Variants in CSMD1 observed in about 807,000 individuals in gnomAD.
CSMD1 encodes CUB and Sushi multiple domains 1.
In CSMD1, 213 loss-of-function variants were observed where a neutral mutation model predicts 417.5. The observed-to-expected ratio is 0.51, with a 90% CI of 0.46 to 0.57. The LOEUF (loss-of-function observed/expected upper bound fraction) is 0.57, where lower values mean the gene tolerates loss of function less well. CSMD1 is among the 20% of genes least tolerant of loss of function. CSMD1 has a pLI of 0.00. For synonymous variants in CSMD1, 2,862 were observed against 1,736.8 expected, an observed-to-expected ratio of 1.65 and a Z score of -16.11; for missense variants, 6,923 against 4,529.7, an observed-to-expected ratio of 1.53 and a Z score of -15.17.
At chr8:4,204,314 C>T (rs996272077) in intron 3 of CSMD1, among the ~76,000 whole-genome samples, 1 of 151,314 alleles carries the variant, frequency 6.6e-6, no homozygotes. Context: ...TTCTCAGAAT[C>T]AGAATAGTTT....
chr8:4,674,099 A>G (rs914618310), intron 1 of CSMD1, among the ~76,000 whole-genome samples: 8 of 152,226 alleles, frequency 5.3e-5, no homozygotes, highest in African/African-American at 1.9e-4. Context: ...TTCTCTTTAT[A>G]TAAACCAGAT....
chr8:4,733,002 T>C (rs1810002589), intron 1 of CSMD1, among the ~76,000 whole-genome samples: 1 of 148,214 alleles, frequency 6.7e-6, no homozygotes, highest in East Asian at 2.0e-4. Flanking sequence ...TACGCTCCTC[T>C]TTCATTTGCA....
chr8:3,565,159 A>AAAAG (rs1554471702), intron 10 of CSMD1, among the ~76,000 whole-genome samples: 1 of 138,026 alleles, frequency 7.2e-6, no homozygotes, highest in Non-Finnish European at 1.5e-5. Flanking sequence ...AAAAAAAAAA[A>AAAAG]AGAGAGAGAT....
At chr8:4,261,311 A>G (rs141392956) in intron 3 of CSMD1, among the ~76,000 whole-genome samples, 2 of 152,166 alleles carry the variant, frequency 1.3e-5, no homozygotes, top group African/African-American at 4.8e-5. Flanking sequence ...CCAGGCATAG[A>G]AAGAAAAATA....
intron 1 of CSMD1, among the ~76,000 whole-genome samples, chr8:4,898,319 G>C (rs902987213): frequency 2.6e-5 from 4 of 152,072 alleles, no homozygotes; most frequent in African/African-American, 9.7e-5. Flanking sequence ...TGTCATCTTT[G>C]ACAGGGTCCA....
intron 1 of CSMD1, among the ~76,000 whole-genome samples, chr8:4,770,706 T>C (rs762908154): frequency 1.4e-5 from 2 of 140,422 alleles, no homozygotes; most frequent in Non-Finnish European, 3.1e-5. Context: ...AAGGATACAA[T>C]GGGGAAAGAA....
chr8:4,606,143 A>C (rs1339816464), intron 2 of CSMD1, among the ~76,000 whole-genome samples: 1 of 152,146 alleles, frequency 6.6e-6, no homozygotes, highest in Non-Finnish European at 1.5e-5. Flanking sequence ...TCACACTAAT[A>C]CTGAGCTTCT....
intron 66 of CSMD1, among the ~76,000 whole-genome samples, chr8:2,950,866 T>C (rs1243717659): frequency 6.6e-6 from 1 of 152,194 alleles, no homozygotes; most frequent in African/African-American, 2.4e-5. Context: ...GAATCTCAGA[T>C]TCTTGACTTA....
At chr8:4,113,571 A>G (rs1052015390) in intron 3 of CSMD1, among the ~76,000 whole-genome samples, 1 of 151,794 alleles carries the variant, frequency 6.6e-6, no homozygotes, top group African/African-American at 2.4e-5. Context: ...CACCTGGCTA[A>G]TTTTCTGTTA....
intron 4 of CSMD1, among the ~76,000 whole-genome samples, chr8:4,013,191 C>A (rs1796361281): frequency 6.6e-6 from 1 of 152,076 alleles, no homozygotes; most frequent in South Asian, 2.1e-4. Flanking sequence ...ATCTACAGGG[C>A]CCACTCCTAT....
intron 5 of CSMD1, among the ~76,000 whole-genome samples, chr8:3,875,941 G>T (rs77503237): frequency 6.6e-6 from 1 of 152,234 alleles, no homozygotes; most frequent in Non-Finnish European, 1.5e-5. Flanking sequence ...TGGGAAGCTC[G>T]GAGGCAAATT....
chr8:4,300,248 A>C (rs570278975), intron 3 of CSMD1, among the ~76,000 whole-genome samples: 2 of 152,382 alleles, frequency 1.3e-5, no homozygotes, highest in African/African-American at 4.8e-5. Flanking sequence ...GTTTGTAAAC[A>C]CAGAGCTTTC....
At chr8:3,737,723 G>A (rs545556862) in intron 6 of CSMD1, among the ~76,000 whole-genome samples, 1 of 152,276 alleles carries the variant, frequency 6.6e-6, no homozygotes, top group Admixed American at 6.5e-5. Context: ...AATTGAGGCA[G>A]TGATATTTAA....
intron 33 of CSMD1, among the ~76,000 whole-genome samples, chr8:3,197,967 G>A (rs1434871846): frequency 6.6e-5 from 10 of 152,166 alleles, no homozygotes; most frequent in Admixed American, 3.3e-4. Context: ...AGCAAAGCAA[G>A]AGAAGGAGGT....
chr8:3,821,432 G>A (rs916554145), intron 5 of CSMD1, among the ~76,000 whole-genome samples: 2 of 152,174 alleles, frequency 1.3e-5, no homozygotes, highest in African/African-American at 4.8e-5. Context: ...ATTCTGCTAT[G>A]ACGCATAATT....
At chr8:3,393,128 A>T (rs1487396469) in intron 17 of CSMD1, among the ~76,000 whole-genome samples, 1 of 152,220 alleles carries the variant, frequency 6.6e-6, no homozygotes. Flanking sequence ...CATCCTTCTG[A>T]GGTCCTATTT....
At chr8:3,952,035 C>T (rs1811631732) in intron 5 of CSMD1, among the ~76,000 whole-genome samples, 1 of 152,150 alleles carries the variant, frequency 6.6e-6, no homozygotes, top group Non-Finnish European at 1.5e-5. Context: ...TGAAAAGATA[C>T]TGACCTAGGT....
chr8:4,431,134 T>C (rs1797847955), intron 2 of CSMD1, among the ~76,000 whole-genome samples: 2 of 152,046 alleles, frequency 1.3e-5, no homozygotes, highest in African/African-American at 4.8e-5. Flanking sequence ...GAAAAAGAGG[T>C]GAGGCTCTAA....
rs1179214211 is a variant in CSMD1, at chr8:3,919,783, T to C, written c.818+78120A>G. ...TCCAGGAACACAAGCTATCTTTCCATTTGTTTGTGTTTTCAATTTTCTTCA... is the reference window on the plus strand; with the variant it reads ...TCCAGGAACACAAGCTATCTTTCCACTTGTTTGTGTTTTCAATTTTCTTCA... On this transcript the variant is annotated intron_variant, in intron 5 of 69. Coordinates refer to ENST00000635120, the MANE Select transcript of CSMD1 (RefSeq NM_033225.6). Among the ~76,000 whole-genome samples, 3 of 152,132 alleles carry C rather than the reference T, an allele frequency of 2.0e-5. No homozygotes were observed. The South Asian group carries it at 6.2e-4, about 32-fold the overall frequency.
Sources: allele counts gnomAD v4.1 joint callset (sites outside exome capture counted in the v4.1 genomes callset), GRCh38; gene constraint gnomAD v4.1.1; transcripts MANE v1.5; gene names NCBI Gene and HGNC (gene_info 2026-07-23, HGNC 2026-07-21).